RGL1: variants seen among roughly 807,000 people sequenced by gnomAD.
RGL1 encodes the protein ral guanine nucleotide dissociation stimulator-like 1.
RGL1 carries 24 observed loss-of-function variants against 95.2 expected under a neutral mutation model. That is an observed-to-expected ratio of 0.25 (90% CI 0.18 to 0.35). The LOEUF (loss-of-function observed/expected upper bound fraction) is 0.35. Ranked by LOEUF, RGL1 falls within the 10% of genes least tolerant of loss-of-function variation. RGL1 has a pLI of 1.00. For missense variants in RGL1, 715 were observed against 936.3 expected (o/e 0.76, Z 3.08); for synonymous variants, 329 against 344.9 (o/e 0.95, Z 0.51).
chr1:183,776,442 C>T (rs1259951389), intron 2 of RGL1, among the ~76,000 whole-genome samples: 1 of 151,984 alleles, frequency 6.6e-6, no homozygotes, highest in East Asian at 1.9e-4. Flanking sequence ...GCCACCGCGC[C>T]CGGCCAGATT....
chr1:183,733,434 G>C (rs925448468), intron 1 of RGL1, among the ~76,000 whole-genome samples: 1 of 152,104 alleles, frequency 6.6e-6, no homozygotes, highest in Non-Finnish European at 1.5e-5. Context: ...GTTTCCCCTT[G>C]GTTTCATTGT....
At chr1:183,752,674 T>TTTTCTC (rs1658087154) in intron 2 of RGL1, among the ~76,000 whole-genome samples, 1 of 31,316 alleles carries the variant, frequency 3.2e-5, no homozygotes, top group Non-Finnish European at 5.9e-5. Flanking sequence ...CTTTCTCTCT[T>TTTTCTC]TCTCTCTCTC....
intron 2 of RGL1, among the ~76,000 whole-genome samples, chr1:183,808,777 A>C (rs1661509113): frequency 6.6e-6 from 1 of 150,600 alleles, no homozygotes; most frequent in South Asian, 2.1e-4. Context: ...TTTTTTTTTA[A>C]CATGAGGAGA....
chr1:183,851,192 A>G (rs752422573), intron 3 of RGL1, among the ~76,000 whole-genome samples: 32 of 152,142 alleles, frequency 2.1e-4, no homozygotes, highest in Non-Finnish European at 4.1e-4. Context: ...TTTTTTTACC[A>G]TTTGGATGGG....
intron 2 of RGL1, among the ~76,000 whole-genome samples, chr1:183,815,765 A>G (rs1572449159): frequency 6.6e-6 from 1 of 152,142 alleles, no homozygotes; most frequent in South Asian, 2.1e-4. Context: ...TGATGGAATG[A>G]CTGTCAGGAG....
intron 4 of RGL1, among the ~76,000 whole-genome samples, chr1:183,867,868 T>C (rs566938395): frequency 6.4e-4 from 98 of 152,336 alleles, no homozygotes; most frequent in African/African-American, 2.3e-3. Context: ...GATAGACTCC[T>C]TTCTTCAGGA....
chr1:183,772,718 T>C (rs1230426917), intron 2 of RGL1, among the ~76,000 whole-genome samples: 6 of 151,972 alleles, frequency 3.9e-5, no homozygotes, highest in Admixed American at 1.3e-4. Flanking sequence ...TTAAAAAAAA[T>C]TTCACTCTGG....
intron 1 of RGL1, among the ~76,000 whole-genome samples, chr1:183,656,427 T>C (rs12049175): frequency 0.082 from 12,448 of 152,286 alleles, 1,001 homozygotes; most frequent in African/African-American, 0.21. Flanking sequence ...ACTCAGCGAA[T>C]TGTAACCTAA....
At chr1:183,783,672 C>G (rs1044525131) in intron 2 of RGL1, among the ~76,000 whole-genome samples, 33 of 152,108 alleles carry the variant, frequency 2.2e-4, no homozygotes, top group Non-Finnish European at 4.7e-4. Context: ...GGATCTTATT[C>G]CCAAGATATT....
intron 4 of RGL1, among the ~76,000 whole-genome samples, chr1:183,870,547 C>A (rs116698320): frequency 6.6e-6 from 1 of 152,078 alleles, no homozygotes; most frequent in Admixed American, 6.5e-5. Flanking sequence ...CTTGCTGACG[C>A]GTGCTGCTGG....
At chr1:183,839,788 A>G (rs1276717407) in intron 2 of RGL1, among the ~76,000 whole-genome samples, 2 of 152,154 alleles carry the variant, frequency 1.3e-5, no homozygotes, top group Admixed American at 1.3e-4. Context: ...CATATTGTTT[A>G]TGCAGCCACA....
At chr1:183,642,029 A>T (rs1649957590) in intron 1 of RGL1, among the ~76,000 whole-genome samples, 2 of 152,196 alleles carry the variant, frequency 1.3e-5, no homozygotes. Context: ...TTTAAGCAAA[A>T]CATTGAAATC....
At chr1:183,748,145 T>A (rs1287804356) in intron 2 of RGL1, among the ~76,000 whole-genome samples, 1 of 152,168 alleles carries the variant, frequency 6.6e-6, no homozygotes, top group Non-Finnish European at 1.5e-5. Context: ...GATGGTAGTT[T>A]GTATTTCTGT....
At chr1:183,922,425 C>T (rs533820158) in intron 17 of RGL1, 89 bp downstream of exon 17, 85 of 938,018 alleles carry the variant, frequency 9.1e-5, no homozygotes, top group African/African-American at 7.2e-4. Flanking sequence ...AGGCAGAAAA[C>T]GGATACGTAT....
chr1:183,722,775 T>C (rs910193169), intron 1 of RGL1, among the ~76,000 whole-genome samples: 1 of 152,064 alleles, frequency 6.6e-6, no homozygotes, highest in East Asian at 1.9e-4. Flanking sequence ...CAAAGAAAAG[T>C]TGTGAGAGTT....
At chr1:183,904,681 G>T (rs1668211668) in intron 12 of RGL1, among the ~76,000 whole-genome samples, 169 bp from the exon 13 acceptor site, 1 of 152,152 alleles carries the variant, frequency 6.6e-6, no homozygotes, top group African/African-American at 2.4e-5. Context: ...ATTTTTAAGA[G>T]TTAGTTAGCT....
intron 8 of RGL1, among the ~76,000 whole-genome samples, chr1:183,890,639 G>A (rs956122670): frequency 1.2e-4 from 18 of 152,266 alleles, no homozygotes; most frequent in African/African-American, 4.3e-4. Flanking sequence ...CATAAAAGGA[G>A]TGTAGTACTG....
intron 1 of RGL1, among the ~76,000 whole-genome samples, chr1:183,677,085 G>C (rs1652874864): frequency 6.6e-6 from 1 of 151,696 alleles, no homozygotes; most frequent in Non-Finnish European, 1.5e-5. Flanking sequence ...ATTGTGCCCA[G>C]GGTAGCCCTA....
At position 183,700,189 on chromosome 1, in the gene RGL1, C is replaced by G. The variant is rs143220187; in HGVS notation, c.-32-41937C>G. On this transcript the variant is annotated intron_variant, in intron 1 of 18. Coordinates refer to the RGL1 transcript ENST00000304685. ...CATTTAAGTCCCATAAAAAGCCATACTGCACCACTAGCCACTTCAATTATG... is the reference window on the plus strand; with the variant it reads ...CATTTAAGTCCCATAAAAAGCCATAGTGCACCACTAGCCACTTCAATTATG... Among the ~76,000 whole-genome samples, 1,020 of 152,286 alleles carry G rather than the reference C, an allele frequency of 6.7e-3. 16 individuals are homozygous for G. Among genetic ancestry groups the G allele is most frequent in the African/African-American group, 0.024 (993 of 41,550 alleles).
Sources: allele counts gnomAD v4.1 joint callset (sites outside exome capture counted in the v4.1 genomes callset), GRCh38; gene constraint gnomAD v4.1.1; transcripts MANE v1.5; gene names NCBI Gene and HGNC (gene_info 2026-07-23, HGNC 2026-07-21).